The following DLEC1 variants were observed in gnomAD, a reference collection of about 807,000 sequenced individuals.
The protein encoded by DLEC1 is DLEC1 cilia and flagella associated protein.
Under a neutral mutation model 198.1 loss-of-function variants are expected in DLEC1, and 146 were observed. The ratio of observed to expected loss-of-function variants is 0.74; its 90% confidence interval spans 0.64 to 0.85. DLEC1 has a LOEUF of 0.85. Among genes scored for constraint, DLEC1 ranks in the 40% least tolerant of loss-of-function variants. The probability of loss-of-function intolerance (pLI) is 0.00; values close to 1 mark genes in which losing one functional copy is unlikely to be tolerated. For synonymous variants in DLEC1, 897 were observed against 866.8 expected (o/e 1.03, Z -0.61); for missense variants, 2,233 against 2,220.0 (o/e 1.01, Z -0.12).
intron 2 of DLEC1, 144 bp downstream of exon 2, chr3:38,045,837 A>C: frequency 1.1e-6 from 1 of 896,054 alleles, no homozygotes; most frequent in Non-Finnish European, 1.6e-6. Context: ...ATTACCACAA[A>C]AGAATATTTC....
chr3:38,096,824 G>A, intron 15 of DLEC1, 87 bp downstream of exon 15: 2 of 1,449,302 alleles, frequency 1.4e-6, no homozygotes, highest in South Asian at 2.7e-5. Context: ...AGGAGGGGCA[G>A]ATGGTAGCAG....
intron 11 of DLEC1, 30 bp from the exon 12 acceptor site, chr3:38,093,575 T>C: frequency 6.2e-7 from 1 of 1,613,664 alleles, no homozygotes; most frequent in African/African-American, 1.3e-5. Context: ...TAGTGAGCCT[T>C]CACTGACTTC....
chr3:38,112,268 C>T lies in DLEC1; in HGVS notation c.3573C>T (p.Ser1191=). The T allele has an allele frequency of 6.2e-7, 1 of 1,614,194 alleles. No homozygotes were observed. The highest frequency in any genetic ancestry group is 1.1e-5 in the South Asian group (1 of 91,088). ...GAGCTGCTTTCTTCCCTCACTTTTCCCAGGGCATGCTGGGGCCCTACCAGC... is the reference window on the plus strand; with the variant it reads ...GAGCTGCTTTCTTCCCTCACTTTTCTCAGGGCATGCTGGGGCCCTACCAGC... ...GKGAAFFPHF[S]QGMLGPYQQL... Residue 1191 remains serine, a synonymous_variant, in exon 25 of 37, where the codon TCC becomes TCT. Coordinates refer to ENST00000308059, the MANE Select transcript of DLEC1 (RefSeq NM_007335.4). This position sits in a 1 kb window ranked among gnomAD's most constrained non-coding sequence, Gnocchi z 4.8.
chr3:38,083,033 G>A (rs1698141467), intron 6 of DLEC1, among the ~76,000 whole-genome samples: 1 of 151,932 alleles, frequency 6.6e-6, no homozygotes, highest in Admixed American at 6.6e-5. Context: ...ATTGAAGGGT[G>A]GCACCAAGAT....
At chr3:38,082,044 T>C (rs1365283094) in intron 6 of DLEC1, among the ~76,000 whole-genome samples, 1 of 114,838 alleles carries the variant, frequency 8.7e-6, no homozygotes, top group Non-Finnish European at 1.8e-5. Flanking sequence ...TCAGACGGGG[T>C]GGTTGCCAGG....
intron 18 of DLEC1, among the ~76,000 whole-genome samples, chr3:38,098,883 C>T (rs1408078564): frequency 6.6e-6 from 1 of 152,154 alleles, no homozygotes; most frequent in African/African-American, 2.4e-5. Context: ...AACGCCATTG[C>T]CAAGTACCTG....
intron 1 of DLEC1, 31 bp downstream of exon 1, chr3:38,039,667 C>T: frequency 6.4e-7 from 1 of 1,574,090 alleles, no homozygotes; most frequent in South Asian, 1.2e-5. Flanking sequence ...CGTCTGCGGA[C>T]GGTGCCGGGG....
At position 38,109,567 on chromosome 3, in the gene DLEC1, G is replaced by A; in HGVS notation, c.3260+5G>A. On this transcript the variant is annotated splice_donor_5th_base_variant and intron_variant, in intron 22 of 36. Coordinates refer to ENST00000308059, the MANE Select transcript of DLEC1 (RefSeq NM_007335.4). Reference sequence around the variant, plus strand: ...TAAGGAGAGCTCTGATTGCAGGTGAGCCCAGGGTTGGTGGTCTGGGGGTGG... The same window carrying A: ...TAAGGAGAGCTCTGATTGCAGGTGAACCCAGGGTTGGTGGTCTGGGGGTGG... 1 of 1,614,116 alleles carries A rather than the reference G, an allele frequency of 6.2e-7. No homozygotes were observed. The highest frequency in any genetic ancestry group is 8.5e-7 in the Non-Finnish European group (1 of 1,179,994).
At chr3:38,049,204 G>A (rs901400097) in intron 2 of DLEC1, among the ~76,000 whole-genome samples, 1 of 151,906 alleles carries the variant, frequency 6.6e-6, no homozygotes, top group Non-Finnish European at 1.5e-5. Context: ...GCCATTATCT[G>A]TCCTGGTTTC....
chr3:38,075,815 G>T (rs550700657), intron 6 of DLEC1, among the ~76,000 whole-genome samples: 7 of 151,880 alleles, frequency 4.6e-5, no homozygotes, highest in Non-Finnish European at 5.9e-5. Flanking sequence ...AGGAGAAGGG[G>T]TTGAGGGGTT....
At chr3:38,109,727 G>A (rs1232977193) in intron 22 of DLEC1, 165 bp downstream of exon 22, 2 of 1,204,522 alleles carry the variant, frequency 1.7e-6, no homozygotes, top group Admixed American at 2.5e-5. Flanking sequence ...TGTGGGGACA[G>A]CTCCCTTTAC....
chr3:38,114,092 G>A (rs1312989905), intron 25 of DLEC1, among the ~76,000 whole-genome samples: 3 of 131,690 alleles, frequency 2.3e-5, no homozygotes, highest in Non-Finnish European at 4.7e-5. Flanking sequence ...GAGCAACATA[G>A]TAAGACCCTG....
At chr3:38,075,973 C>T (rs538939218) in intron 6 of DLEC1, among the ~76,000 whole-genome samples, 7 of 152,212 alleles carry the variant, frequency 4.6e-5, no homozygotes, top group Admixed American at 1.3e-4. Flanking sequence ...ACCTCTGAAA[C>T]GTGGGTGAAT....
chr3:38,089,023 G>T (rs1698609505), intron 10 of DLEC1, among the ~76,000 whole-genome samples: 4 of 152,100 alleles, frequency 2.6e-5, no homozygotes, highest in Non-Finnish European at 5.9e-5. Flanking sequence ...CCGACTCCTG[G>T]TCTAGGAGTC....
At chr3:38,094,257 C>T (rs1305375379) in intron 12 of DLEC1, among the ~76,000 whole-genome samples, 2 of 152,180 alleles carry the variant, frequency 1.3e-5, no homozygotes, top group East Asian at 1.9e-4. Context: ...CTGAGCACTA[C>T]CATGAAACCA....
Position 38,114,909 on chromosome 3 carries a change from G to A in DLEC1, c.3786-74G>A. 4 of 1,391,468 alleles carry A rather than the reference G, an allele frequency of 2.9e-6. No homozygotes were observed. The South Asian group carries it at 5.0e-5, about 17-fold the overall frequency. The allele number at this position is 1,391,468 out of a possible 1,614,324, so 86.2% of individuals were successfully genotyped here. Reference sequence around the variant, plus strand: ...GTATTTCCCCCTGCCTGAGCCCCCAGTCCCAGCCCTCCTCCCTACCTGCAA... The same window carrying A: ...GTATTTCCCCCTGCCTGAGCCCCCAATCCCAGCCCTCCTCCCTACCTGCAA... On this transcript the variant is annotated intron_variant, in intron 26 of 36. Transcript: ENST00000308059.
intron 27 of DLEC1, among the ~76,000 whole-genome samples, chr3:38,116,080 G>A (rs1018396781): frequency 1.3e-5 from 2 of 152,222 alleles, no homozygotes; most frequent in Middle Eastern, 3.4e-3. Context: ...AGCTGACATA[G>A]GCTGATGGAT....
chr3:38,096,842 A>C (rs1179071075), intron 15 of DLEC1, 105 bp downstream of exon 15: 96 of 1,337,786 alleles, frequency 7.2e-5, no homozygotes, highest in Non-Finnish European at 9.5e-5. Flanking sequence ...CAGCCACTGC[A>C]TGGAGGCTGA....
intron 6 of DLEC1, among the ~76,000 whole-genome samples, chr3:38,078,156 A>G (rs1196221333): frequency 1.3e-5 from 2 of 152,198 alleles, no homozygotes; most frequent in African/African-American, 2.4e-5. Context: ...GTGAGAGGCC[A>G]GATTGAGGTC....
Sources: gnomAD v4.1 joint callset for allele counts (sites outside exome capture counted in the v4.1 genomes callset) on GRCh38, gnomAD v4.1.1 for gene constraint, Gnocchi (gnomAD v3.1) non-coding constraint, MANE v1.5 for transcripts, NCBI Gene and HGNC (gene_info 2026-07-23, HGNC 2026-07-21) for gene names.